NUP210L: variants seen among roughly 807,000 people sequenced by gnomAD.
The protein encoded by NUP210L is nuclear pore membrane glycoprotein 210-like.
NUP210L carries 74 observed loss-of-function variants against 208.5 expected under a neutral mutation model. The ratio of observed to expected loss-of-function variants is 0.35; its 90% confidence interval spans 0.29 to 0.43. The LOEUF (loss-of-function observed/expected upper bound fraction) is 0.43, where lower values mean the gene tolerates loss of function less well. NUP210L is among the 20% of genes least tolerant of loss of function. The probability of loss-of-function intolerance (pLI) is 1.00; values close to 1 mark genes in which losing one functional copy is unlikely to be tolerated. For missense variants in NUP210L, 1,843 were observed against 2,289.4 expected, an observed-to-expected ratio of 0.81 and a Z score of 3.98; for synonymous variants, 780 against 816.9, an observed-to-expected ratio of 0.95 and a Z score of 0.77.
intron 12 of NUP210L, among the ~76,000 whole-genome samples, chr1:154,108,576 G>A (rs1328255834): frequency 1.3e-5 from 2 of 151,482 alleles, no homozygotes; most frequent in African/African-American, 4.9e-5. Context: ...ATTTGCAAGC[G>A]TCATGGTAAC....
intron 2 of NUP210L, among the ~76,000 whole-genome samples, chr1:154,150,727 CAA>C (rs1156928758): frequency 1.3e-4 from 5 of 39,668 alleles, no homozygotes; most frequent in African/African-American, 2.7e-4. Flanking sequence ...GACTCCATCT[CAA>C]AAAAAAAAAA....
intron 35 of NUP210L, among the ~76,000 whole-genome samples, chr1:154,005,914 G>T (rs1355932455): frequency 6.6e-6 from 1 of 151,884 alleles, no homozygotes; most frequent in Non-Finnish European, 1.5e-5. Context: ...GTAGAGACGG[G>T]TTTCTCCACA....
chr1:154,062,780 A>G (rs1187473786), intron 17 of NUP210L, among the ~76,000 whole-genome samples: 1 of 151,700 alleles, frequency 6.6e-6, no homozygotes, highest in Non-Finnish European at 1.5e-5. Flanking sequence ...GGGTCTTGCT[A>G]TGTTAACCAG....
intron 2 of NUP210L, among the ~76,000 whole-genome samples, chr1:154,150,490 G>A (rs1659325491): frequency 6.6e-6 from 1 of 152,060 alleles, no homozygotes; most frequent in Admixed American, 6.5e-5. Context: ...CACTTTGGGG[G>A]GCCAAGGCGG....
intron 27 of NUP210L, among the ~76,000 whole-genome samples, chr1:154,036,314 A>G (rs4845361): frequency 4.7e-4 from 51 of 108,176 alleles, no homozygotes; most frequent in South Asian, 2.2e-3. Flanking sequence ...CAGTTGGAAC[A>G]TGTGTGTGTG....
intron 17 of NUP210L, among the ~76,000 whole-genome samples, chr1:154,065,081 A>G (rs1003260307): frequency 3.6e-5 from 5 of 140,490 alleles, no homozygotes; most frequent in Non-Finnish European, 6.0e-5. Flanking sequence ...ATCTCAGTAA[A>G]TAAATAAATA....
In NUP210L at chr1:154,089,521, CG is replaced by C. The variant is rs1655796504; in HGVS notation, c.2260del (p.Arg754AlafsTer12). ...ACTGGCAGGGTGGGCACAAATGAAGCGAACCTGCAAAACCTCTACAGCTGGA... is the reference window on the plus strand; with the variant it reads ...ACTGGCAGGGTGGGCACAAATGAAGCAACCTGCAAAACCTCTACAGCTGGA... On this transcript the variant is annotated frameshift_variant, in exon 16 of 40. Transcript: ENST00000368559. LOFTEE classifies it high-confidence loss of function. The C allele has an allele frequency of 6.2e-7, 1 of 1,613,968 alleles. No individual in the cohort carries two copies. Among genetic ancestry groups the C allele is most frequent in the Non-Finnish European group, 8.5e-7 (1 of 1,179,978 alleles).
chr1:154,097,073 C>CA (rs535777361), intron 14 of NUP210L, among the ~76,000 whole-genome samples: 3,966 of 146,116 alleles, frequency 0.027, 161 homozygotes, highest in African/African-American at 0.091. Context: ...GACTCTGTCT[C>CA]AAAAAAAAAA....
chr1:154,006,450 G>C (rs1557908363), intron 35 of NUP210L, among the ~76,000 whole-genome samples: 1 of 151,682 alleles, frequency 6.6e-6, no homozygotes, highest in Non-Finnish European at 1.5e-5. Flanking sequence ...TTGGCTCTAG[G>C]TTTCATATAG....
At chr1:154,030,110 CTTTT>C in intron 27 of NUP210L, 56 bp from the exon 28 acceptor site, 1 of 1,195,080 alleles carries the variant, frequency 8.4e-7, no homozygotes, top group South Asian at 2.1e-5. Context: ...GGTGTCCTTC[CTTTT>C]TTTTTCACTT....
At chr1:154,037,719 A>G (rs1322667799) in intron 27 of NUP210L, among the ~76,000 whole-genome samples, 1 of 151,956 alleles carries the variant, frequency 6.6e-6, no homozygotes, top group Non-Finnish European at 1.5e-5. Flanking sequence ...CCCAGGCTGG[A>G]GTGCAGTGGC....
In NUP210L at chr1:154,012,241, G is replaced by C; in HGVS notation, c.4780+3C>G. On this transcript the variant is annotated splice_donor_region_variant and intron_variant, in intron 34 of 39. Transcript: ENST00000368559. Reference sequence around the variant, plus strand: ...TCACTGAAACCATGAAGAGATTCCTGACCTTTAAGATTGACACCATTTCTG... The same window carrying C: ...TCACTGAAACCATGAAGAGATTCCTCACCTTTAAGATTGACACCATTTCTG... 6.2e-7 allele frequency: 1 copy of C among 1,613,282 alleles called. No individual in the cohort carries two copies. Among genetic ancestry groups the C allele is most frequent in the Non-Finnish European group, 8.5e-7 (1 of 1,179,692 alleles).
chr1:154,092,296 G>C (rs989948646), intron 15 of NUP210L, among the ~76,000 whole-genome samples: 32 of 150,520 alleles, frequency 2.1e-4, no homozygotes, highest in Admixed American at 4.0e-4. Flanking sequence ...ACCCAGGATG[G>C]TCTCGATCTC....
chr1:154,037,179 C>T (rs568894804), intron 27 of NUP210L, among the ~76,000 whole-genome samples: 1 of 152,262 alleles, frequency 6.6e-6, no homozygotes, highest in African/African-American at 2.4e-5. Context: ...AATAGAAGTT[C>T]TGTAAATATC....
intron 2 of NUP210L, among the ~76,000 whole-genome samples, chr1:154,152,333 G>A (rs1354803855): frequency 5.9e-5 from 9 of 151,434 alleles, no homozygotes; most frequent in Non-Finnish European, 1.0e-4. Context: ...CACCACGCCC[G>A]GCTAATTTTT....
At chr1:154,055,132 TTTC>T (rs1381185821) in intron 23 of NUP210L, among the ~76,000 whole-genome samples, 31 of 44,296 alleles carry the variant, frequency 7.0e-4, no homozygotes, top group African/African-American at 2.9e-3. Flanking sequence ...CTTTTCTTTC[TTTC>T]TTTCTTTCTT....
chr1:154,106,154 G>A (rs1177667103), intron 12 of NUP210L, among the ~76,000 whole-genome samples: 4 of 151,984 alleles, frequency 2.6e-5, no homozygotes, highest in Admixed American at 6.6e-5. Flanking sequence ...CCAGCTACTC[G>A]GAAGGCTGAG....
intron 27 of NUP210L, among the ~76,000 whole-genome samples, chr1:154,034,998 T>C (rs1337952889): frequency 1.3e-5 from 2 of 151,948 alleles, no homozygotes; most frequent in Non-Finnish European, 2.9e-5. Flanking sequence ...TGTACCACCA[T>C]GCCTGGCTAA....
chr1:154,079,809 T>C (rs1048219088), intron 16 of NUP210L: 8 of 152,276 alleles, frequency 5.3e-5, no homozygotes, highest in African/African-American at 1.9e-4. Context: ...CATGTGAAAC[T>C]ATGGGCAACA....
Sources: gnomAD v4.1 joint callset for allele counts (sites outside exome capture counted in the v4.1 genomes callset) on GRCh38, gnomAD v4.1.1 for gene constraint, MANE v1.5 for transcripts, NCBI Gene and HGNC (gene_info 2026-07-23, HGNC 2026-07-21) for gene names.